Variants in MAPRE1 observed in about 807,000 individuals in gnomAD.
MAPRE1 encodes microtubule associated protein RP/EB family member 1.
A neutral mutation model predicts 32.1 loss-of-function variants in MAPRE1; 5 were observed. The ratio of observed to expected loss-of-function variants is 0.16; its 90% CI spans 0.08 to 0.33. The LOEUF (loss-of-function observed/expected upper bound fraction) is 0.33. Ranked by LOEUF, MAPRE1 falls within the 10% of genes least tolerant of loss-of-function variation. The pLI is 1.00. For synonymous variants in MAPRE1, 122 were observed against 118.9 expected (o/e 1.03, Z -0.17); for missense variants, 209 against 327.2 (o/e 0.64, Z 2.79).
At chr20:32,827,660 G>A (rs1231573045) in intron 2 of MAPRE1, among the ~76,000 whole-genome samples, 3 of 151,998 alleles carry the variant, frequency 2.0e-5, no homozygotes, top group African/African-American at 7.2e-5. Flanking sequence ...ACTTTGGGAG[G>A]CCGAGGCGGG....
chr20:32,832,882 T>A (rs1983077775), intron 2 of MAPRE1, among the ~76,000 whole-genome samples: 1 of 139,366 alleles, frequency 7.2e-6, no homozygotes, highest in Non-Finnish European at 1.5e-5. Context: ...AAGTAGAGGT[T>A]GCGGTGAGCC....
rs114072195 is a variant in MAPRE1 at position 32,829,606 on chromosome 20, C to G, written c.121+3558C>G. Among the ~76,000 whole-genome samples, 651 of 150,206 alleles carry G rather than the reference C, an allele frequency of 4.3e-3. 9 individuals carry two copies. The highest frequency in any genetic ancestry group is 0.015 in the African/African-American group (639 of 41,456). On this transcript the variant is annotated intron_variant, in intron 2 of 6. Transcript: ENST00000375571. ...CCTTCCTAACCTCATCTCTGATGAG[C>G]AGAGGATCTAGCAGACCAGAGTTCT...
At chr20:32,846,812 AGAAG>A in intron 6 of MAPRE1, 42 bp downstream of exon 6, 1 of 1,601,552 alleles carries the variant, frequency 6.2e-7, no homozygotes, top group Non-Finnish European at 8.5e-7. Context: ...CATTTTACAT[AGAAG>A]GGTTGGTGAA....
chr20:32,830,326 C>T (rs1982981163), intron 2 of MAPRE1, among the ~76,000 whole-genome samples: 1 of 152,194 alleles, frequency 6.6e-6, no homozygotes, highest in African/African-American at 2.4e-5. Flanking sequence ...TGTGTTATCA[C>T]ACCTGTAACC....
At chr20:32,841,785 G>C (rs921281182) in intron 5 of MAPRE1, among the ~76,000 whole-genome samples, 2 of 152,142 alleles carry the variant, frequency 1.3e-5, no homozygotes, top group African/African-American at 4.8e-5. Flanking sequence ...GGACAAGTCA[G>C]CCTCTCTGAA....
At chr20:32,824,559 C>T (rs1193811622) in intron 1 of MAPRE1, among the ~76,000 whole-genome samples, 2 of 152,210 alleles carry the variant, frequency 1.3e-5, no homozygotes, top group African/African-American at 4.8e-5. Flanking sequence ...CTACCATTGC[C>T]AGGTAGCTCT....
In MAPRE1 at chr20:32,839,815, G is replaced by A. The variant is rs1490402189; in HGVS notation, c.556G>A (p.Val186Met). ...TGGTGTGGTGCGAAAGAACCCTGGT[G>A]TGGGCAACGGAGACGACGAGGCAGC... ...GPGVVRKNPG[V>M]GNGDDEAAEL... The change falls in exon 5 of 7, where the codon GTG becomes ATG. Residue 186 changes from valine (V) to methionine (M), a missense_variant. Physicochemically the swap from Val to Met is conservative, Grantham distance 21. Around this residue, in one of 3 missense-constraint regions of MAPRE1, gnomAD observed 106 missense variants for 115.3 expected, o/e 0.92. Coordinates refer to ENST00000375571, the MANE Select transcript of MAPRE1 (RefSeq NM_012325.3). 1 of 1,614,234 alleles carries A rather than the reference G, an allele frequency of 6.2e-7. No individual in the cohort carries two copies. Among genetic ancestry groups the A allele is most frequent in the Non-Finnish European group, 8.5e-7 (1 of 1,180,042 alleles).
intron 2 of MAPRE1, among the ~76,000 whole-genome samples, chr20:32,828,164 G>C (rs1414157813): frequency 6.6e-6 from 1 of 152,092 alleles, no homozygotes; most frequent in Non-Finnish European, 1.5e-5. Flanking sequence ...TAGACAACAG[G>C]CTGTTAGCCT....
intron 2 of MAPRE1, among the ~76,000 whole-genome samples, chr20:32,828,115 A>G (rs1982917924): frequency 6.6e-6 from 1 of 152,098 alleles, no homozygotes; most frequent in Non-Finnish European, 1.5e-5. Context: ...GTGGTGCCCA[A>G]GAGTTGTGTT....
intron 2 of MAPRE1, among the ~76,000 whole-genome samples, chr20:32,832,905 C>CT (rs1983078495): frequency 7.0e-6 from 1 of 143,074 alleles, no homozygotes; most frequent in South Asian, 2.2e-4. Flanking sequence ...GATCACGCCA[C>CT]TGCACTCCAG....
chr20:32,831,315 C>G (rs1983016496), intron 2 of MAPRE1, among the ~76,000 whole-genome samples: 1 of 152,100 alleles, frequency 6.6e-6, no homozygotes, highest in Non-Finnish European at 1.5e-5. Context: ...ATCATACTCG[C>G]ATAAAAGTCT....
At chr20:32,847,105 A>C (rs1261522034) in intron 6 of MAPRE1, among the ~76,000 whole-genome samples, 3 of 152,192 alleles carry the variant, frequency 2.0e-5, no homozygotes, top group Non-Finnish European at 4.4e-5. Flanking sequence ...CCTCAGCTTC[A>C]GTTGCTGCCT....
intron 6 of MAPRE1, among the ~76,000 whole-genome samples, chr20:32,847,316 A>G (rs541901967): frequency 2.1e-3 from 323 of 152,324 alleles, no homozygotes; most frequent in African/African-American, 7.3e-3. Context: ...TGTTGATATT[A>G]ATCACGACAT....
At chr20:32,820,432 G>T (rs1287802032) in intron 1 of MAPRE1, among the ~76,000 whole-genome samples, 3 of 152,148 alleles carry the variant, frequency 2.0e-5, no homozygotes, top group Non-Finnish European at 4.4e-5. Flanking sequence ...CCGAGAGATC[G>T]GGTGGTGGAG....
In MAPRE1 at chr20:32,850,108, G is replaced by A. The variant is rs1983605327; in HGVS notation, c.*1380G>A. ...TATTTGTATTGATTTGTTTCTGGTGGTAGCTTGTCCTGAAATGTGTGTAGA... is the reference window on the plus strand; with the variant it reads ...TATTTGTATTGATTTGTTTCTGGTGATAGCTTGTCCTGAAATGTGTGTAGA... On this transcript the variant is annotated 3_prime_UTR_variant, in exon 7 of 7. Transcript: ENST00000375571. 1 of 152,560 alleles carries A rather than the reference G, an allele frequency of 6.6e-6. No individual in the cohort carries two copies. Among genetic ancestry groups the A allele is most frequent in the African/African-American group, 2.4e-5 (1 of 41,408 alleles). The allele number at this position is 152,560 out of a possible 1,614,324, so 9.5% of individuals were successfully genotyped here. A position where few individuals can be genotyped will look rare whatever the true frequency, so the allele number is the denominator to read the frequency against.
chr20:32,831,479 A>T, intron 2 of MAPRE1, among the ~76,000 whole-genome samples: 2 of 144,174 alleles, frequency 1.4e-5, no homozygotes, highest in African/African-American at 5.2e-5. Flanking sequence ...TTTTTTTTTA[A>T]CTCCTGTGCA....
intron 1 of MAPRE1, 140 bp from the exon 2 acceptor site, chr20:32,825,785 G>A (rs1284637069): frequency 8.4e-6 from 5 of 592,486 alleles, no homozygotes; most frequent in East Asian, 3.3e-5. Context: ...GTGAGACTCT[G>A]TCTCAAAATA....
intron 4 of MAPRE1, among the ~76,000 whole-genome samples, chr20:32,839,444 C>T (rs1026084510): frequency 1.3e-5 from 2 of 152,202 alleles, no homozygotes; most frequent in Non-Finnish European, 2.9e-5. Flanking sequence ...GTACCCCTTT[C>T]AGATGGTAGT....
At chr20:32,844,510 G>T (rs567343757) in intron 5 of MAPRE1, among the ~76,000 whole-genome samples, 2 of 122,604 alleles carry the variant, frequency 1.6e-5, no homozygotes, top group Admixed American at 1.1e-4. Context: ...CGCCTCCCGG[G>T]TTCAAGTGAT....
Sources: allele counts gnomAD v4.1 joint callset (sites outside exome capture counted in the v4.1 genomes callset), GRCh38; gene constraint gnomAD v4.1.1; regional missense constraint gnomAD v4.1.1; transcripts MANE v1.5; gene names NCBI Gene and HGNC (gene_info 2026-07-23, HGNC 2026-07-21).